The following KCNT1 variants were observed in gnomAD, a reference collection of about 807,000 sequenced individuals.
The protein encoded by KCNT1 is potassium sodium-activated channel subfamily T member 1, also known as potassium channel subfamily T member 1.
Under a neutral mutation model 147.8 loss-of-function variants are expected in KCNT1, and 78 were observed. The ratio of observed to expected loss-of-function variants is 0.53; its 90% CI spans 0.44 to 0.64. The LOEUF (loss-of-function observed/expected upper bound fraction) is 0.64. KCNT1 is among the 30% of genes least tolerant of loss of function. KCNT1 has a pLI of 0.00. For synonymous variants in KCNT1, 867 were observed against 748.8 expected, an observed-to-expected ratio of 1.16 and a Z score of -2.58; for missense variants, 1,419 against 1,750.3, an observed-to-expected ratio of 0.81 and a Z score of 3.38.
chr9:135,754,026 C>A (rs775284922), intron 5 of KCNT1, 33 bp downstream of exon 5: 5 of 1,601,030 alleles, frequency 3.1e-6, no homozygotes, highest in Non-Finnish European at 4.3e-6. Context: ...AATAGCCAGG[C>A]GCTCAGAGGC....
chr9:135,769,033 ATG>A, intron 15 of KCNT1, 96 bp downstream of exon 15: 1 of 848,740 alleles, frequency 1.2e-6, no homozygotes, highest in Middle Eastern at 2.8e-4. Context: ...GCATGTGCAC[ATG>A]TGTGACGGTG....
intron 2 of KCNT1, 97 bp from the exon 3 acceptor site, chr9:135,750,001 A>G (rs1831056560): frequency 1.1e-5 from 10 of 933,806 alleles, no homozygotes; most frequent in Non-Finnish European, 1.4e-5. Context: ...CTGCAGTTGG[A>G]AAGTTGGAAG....
chr9:135,770,675 C>T (rs1341445732), intron 17 of KCNT1, among the ~76,000 whole-genome samples, 182 bp from the exon 18 acceptor site: 1 of 152,204 alleles, frequency 6.6e-6, no homozygotes, highest in Non-Finnish European at 1.5e-5. Context: ...CTGACCCCAG[C>T]TCTCTGGTCC....
chr9:135,742,647 C>T lies in KCNT1; in HGVS notation c.255-7451C>T, dbSNP rs542759717. ...CTGCGTGTCTGTGCCCCGCCTGGTC[C>T]CAGAGCCCAGGCTCTCCATCTGTCT... is the stretch of plus-strand genomic sequence containing the variant. On this transcript the variant is annotated intron_variant, in intron 2 of 30. Transcript: ENST00000371757. 3 of 682,942 alleles carry T rather than the reference C, an allele frequency of 4.4e-6. No homozygotes were observed. In the South Asian group the frequency reaches 4.7e-5, roughly 11 times the overall value. The allele number at this position is 682,942 out of a possible 1,614,324, so 42.3% of individuals were successfully genotyped here.
chr9:135,785,142 CA>C (rs925163132), intron 27 of KCNT1, among the ~76,000 whole-genome samples, 167 bp from the exon 28 acceptor site: 1 of 152,182 alleles, frequency 6.6e-6, no homozygotes, highest in African/African-American at 2.4e-5. Context: ...CAGAGAGGCT[CA>C]GGGGAGTCTT....
At chr9:135,748,412 T>C (rs1045277399) in intron 2 of KCNT1, among the ~76,000 whole-genome samples, 1 of 150,192 alleles carries the variant, frequency 6.7e-6, no homozygotes, top group African/African-American at 2.5e-5. Flanking sequence ...AAACATCGAA[T>C]GTTTTAATCA....
At chr9:135,722,381 C>T (rs1255521928) in intron 2 of KCNT1, among the ~76,000 whole-genome samples, 11 of 152,206 alleles carry the variant, frequency 7.2e-5, no homozygotes, top group African/African-American at 2.2e-4. Context: ...AAATTCCTCC[C>T]GCATTAGTGT....
intron 2 of KCNT1, among the ~76,000 whole-genome samples, chr9:135,721,304 G>A (rs1473582369): frequency 2.0e-5 from 3 of 152,220 alleles, no homozygotes; most frequent in African/African-American, 7.2e-5. Flanking sequence ...GGGGTGGTGG[G>A]GTAGGGGGTG....
intron 21 of KCNT1, 132 bp from the exon 22 acceptor site, chr9:135,778,292 G>T: frequency 2.7e-6 from 2 of 735,604 alleles, no homozygotes; most frequent in South Asian, 3.2e-5. Context: ...GTACTCCCCA[G>T]GTCCCATACG....
chr9:135,790,827 A>G (rs1564400088), intron 29 of KCNT1: 2 of 152,270 alleles, frequency 1.3e-5, no homozygotes, highest in East Asian at 3.9e-4. Flanking sequence ...CTTCCCGTAG[A>G]CACCATCAGA....
chr9:135,711,333 A>G (rs1265015256), intron 1 of KCNT1, among the ~76,000 whole-genome samples: 1 of 152,034 alleles, frequency 6.6e-6, no homozygotes, highest in African/African-American at 2.4e-5. Context: ...ACTCCTGGCT[A>G]TCAGAAGAGC....
intron 28 of KCNT1, 36 bp downstream of exon 28, chr9:135,785,366 G>A (rs763678608): frequency 1.2e-6 from 2 of 1,612,584 alleles, no homozygotes; most frequent in Admixed American, 3.3e-5. Context: ...AGCTTCTGCG[G>A]AGCACCAGAA....
At chr9:135,779,059 C>G (rs924323054) in intron 23 of KCNT1, among the ~76,000 whole-genome samples, 9 of 144,512 alleles carry the variant, frequency 6.2e-5, no homozygotes, top group Non-Finnish European at 3.1e-5. Flanking sequence ...AGCCATGGGA[C>G]CACACCCTGA....
rs12004910 is a variant in KCNT1 at position 135,777,985 on chromosome 9, A to C, written c.2523-439A>C. The stretch of plus-strand genomic sequence containing the variant: ...AGTTCCTCTGTCTCCCAGCTCCTCC[A>C]TGCTCTCAGCTCCTGTGGCTCCCAG... On this transcript the variant is annotated intron_variant, in intron 21 of 30. Coordinates refer to ENST00000371757, the MANE Select transcript of KCNT1 (RefSeq NM_020822.3). 1.7e-3 allele frequency among the ~76,000 whole-genome samples: 240 copies of C among 144,356 alleles called. 1 individual carries two copies. The highest frequency in any genetic ancestry group is 4.3e-3 in the Middle Eastern group (1 of 234). The allele number at this position is 144,356 out of a possible 152,430, so 94.7% of individuals were successfully genotyped here. A position where few individuals can be genotyped will look rare whatever the true frequency, so the allele number is the denominator to read the frequency against.
chr9:135,722,284 C>T lies in KCNT1; in HGVS notation c.254+7564C>T, dbSNP rs563650718. On this transcript the variant is annotated intron_variant, in intron 2 of 30. Coordinates refer to ENST00000371757, the MANE Select transcript of KCNT1 (RefSeq NM_020822.3). Reference sequence around the variant, plus strand: ...CCGCGTCCCCTGGGGCTGCATCCCCCGTCCCACCCCTGGGGCCGGCACAGC... The same window carrying T: ...CCGCGTCCCCTGGGGCTGCATCCCCTGTCCCACCCCTGGGGCCGGCACAGC... Among the ~76,000 whole-genome samples, 12 of 152,092 alleles carry T rather than the reference C, an allele frequency of 7.9e-5. No individual in the cohort carries two copies. The South Asian group carries it at 1.3e-3, about 16-fold the overall frequency.
chr9:135,725,834 A>G (rs1836115399), intron 2 of KCNT1, among the ~76,000 whole-genome samples: 1 of 152,154 alleles, frequency 6.6e-6, no homozygotes, highest in Non-Finnish European at 1.5e-5. Flanking sequence ...GCGTGTCCTA[A>G]GTTGATTGAA....
intron 2 of KCNT1, among the ~76,000 whole-genome samples, chr9:135,722,533 G>T (rs1265184037): frequency 6.6e-6 from 1 of 152,222 alleles, no homozygotes; most frequent in Non-Finnish European, 1.5e-5. Context: ...CAGCTGAAAT[G>T]GAATGGGTGT....
Position 135,771,034 on chromosome 9 carries a change from G to A in KCNT1, c.1947G>A (p.Ser649=), listed in dbSNP as rs779903423. ...QEEKRKKRAF[S]GQGLHEGPAR... ...AGAAGCGGAAGAAGAGGGCCTTCTC[G>A]GGGCAGGGGCTGCACGAGGGTCCGG... The change falls in exon 18 of 31, where the codon TCG becomes TCA. Residue 649 remains serine (S), a synonymous_variant. Coordinates refer to ENST00000371757, the MANE Select transcript of KCNT1 (RefSeq NM_020822.3). 2.0e-5 allele frequency: 33 copies of A among 1,613,038 alleles called. No homozygotes were observed. Among genetic ancestry groups the A allele is most frequent in the Middle Eastern group, 3.3e-4 (2 of 6,082 alleles).
At position 135,770,841 on chromosome 9, in the gene KCNT1, C is replaced by A; in HGVS notation, c.1770-16C>A. The A allele has an allele frequency of 6.4e-7, 1 of 1,552,968 alleles. No individual in the cohort carries two copies. Reference sequence around the variant, plus strand: ...GGTGAGCGGCGGTACCTGAAGTTGCCGGTGCCTCTGCCCAGGTATGGCGTG... The same window carrying A: ...GGTGAGCGGCGGTACCTGAAGTTGCAGGTGCCTCTGCCCAGGTATGGCGTG... On this transcript the variant is annotated splice_polypyrimidine_tract_variant and intron_variant, in intron 17 of 30. Coordinates refer to ENST00000371757, the MANE Select transcript of KCNT1 (RefSeq NM_020822.3).
Sources: gnomAD v4.1 joint callset for allele counts (sites outside exome capture counted in the v4.1 genomes callset) on GRCh38, gnomAD v4.1.1 for gene constraint, MANE v1.5 for transcripts, NCBI Gene and HGNC (gene_info 2026-07-23, HGNC 2026-07-21) for gene names.